Variants in CLEC16A observed in about 807,000 individuals in gnomAD.
CLEC16A encodes protein CLEC16A.
In CLEC16A, 51 loss-of-function variants were observed where a neutral mutation model predicts 109.5. That is an observed-to-expected ratio of 0.47 (90% CI 0.37 to 0.59). The LOEUF is 0.59. Ranked by LOEUF, CLEC16A falls within the 20% of genes least tolerant of loss-of-function variation. The probability of loss-of-function intolerance (pLI) is 0.00; values close to 1 mark genes in which losing one functional copy is unlikely to be tolerated. For synonymous variants in CLEC16A, 673 were observed against 564.2 expected (o/e 1.19, Z -2.73); for missense variants, 1,339 against 1,394.0 (o/e 0.96, Z 0.63).
intron 12 of CLEC16A, 59 bp downstream of exon 12, chr16:11,020,384 G>C: frequency 6.6e-7 from 1 of 1,520,686 alleles, no homozygotes; most frequent in Non-Finnish European, 8.8e-7. Flanking sequence ...AGGGCTCAGT[G>C]GGGAGGTTGA....
At chr16:11,132,711 C>T (rs539770609) in intron 22 of CLEC16A, among the ~76,000 whole-genome samples, 2 of 152,290 alleles carry the variant, frequency 1.3e-5, no homozygotes, top group South Asian at 2.1e-4. Flanking sequence ...CACTATCCTG[C>T]ACTAGAATGG....
At chr16:11,047,230 C>A in intron 16 of CLEC16A, 62 bp from the exon 17 acceptor site, 2 of 1,412,770 alleles carry the variant, frequency 1.4e-6, no homozygotes, top group Non-Finnish European at 9.7e-7. Flanking sequence ...GTTTATAATA[C>A]TCTGTTGTTT....
chr16:11,074,183 C>A (rs530738676), intron 19 of CLEC16A, among the ~76,000 whole-genome samples: 1 of 152,138 alleles, frequency 6.6e-6, no homozygotes, highest in South Asian at 2.1e-4. Flanking sequence ...TTCCTTACCC[C>A]ACTTTGAGGC....
At chr16:10,966,604 C>T (rs2042519907) in intron 3 of CLEC16A, among the ~76,000 whole-genome samples, 1 of 152,102 alleles carries the variant, frequency 6.6e-6, no homozygotes, top group South Asian at 2.1e-4. Context: ...CATTGACTTA[C>T]AGCTCAGCAC....
At chr16:11,006,019 A>T (rs1278185328) in intron 11 of CLEC16A, among the ~76,000 whole-genome samples, 6 of 152,140 alleles carry the variant, frequency 3.9e-5, no homozygotes, top group Non-Finnish European at 7.3e-5. Flanking sequence ...AAGATTTAGA[A>T]ATCCAACTCA....
At chr16:11,110,255 C>T (rs569743359) in intron 19 of CLEC16A, among the ~76,000 whole-genome samples, 1 of 152,332 alleles carries the variant, frequency 6.6e-6, no homozygotes, top group East Asian at 1.9e-4. Flanking sequence ...CCAGAGGGTA[C>T]AGCAGCTAGT....
Position 11,089,859 on chromosome 16 carries a change from C to G in CLEC16A, c.2116+28837C>G, listed in dbSNP as rs2050207707. Among the ~76,000 whole-genome samples the G allele has an allele frequency of 3.3e-5, 5 of 152,222 alleles. No homozygotes were observed. In the South Asian group the frequency reaches 1.0e-3, roughly 31 times the overall value. On this transcript the variant is annotated intron_variant, in intron 19 of 23. Coordinates refer to ENST00000409790, the MANE Select transcript of CLEC16A (RefSeq NM_015226.3). ...CAGGCACCGGTCCAAACCAGTCAAC[C>G]CTGTGCTCTGCTCCGTTTTTTCCAT...
At chr16:10,976,415 T>A (rs2043034293) in intron 7 of CLEC16A, among the ~76,000 whole-genome samples, 1 of 152,108 alleles carries the variant, frequency 6.6e-6, no homozygotes, top group South Asian at 2.1e-4. Context: ...ATGTGACTAC[T>A]ACTAGGAGAG....
At position 11,178,848 on chromosome 16, in the gene CLEC16A, C is replaced by G. The variant is rs551252452; in HGVS notation, c.*158C>G. The stretch of plus-strand genomic sequence containing the variant: ...GCGCTCCCTTGAATGGGAAGAAGCC[C>G]CACGTTGTCCTTGAATTCCTTTTTC... On this transcript the variant is annotated 3_prime_UTR_variant, in exon 24 of 24. Coordinates refer to ENST00000409790, the MANE Select transcript of CLEC16A (RefSeq NM_015226.3). The surrounding 1 kb of genome is among the most constrained non-coding windows in gnomAD (Gnocchi z 6.5). 3.5e-6 allele frequency: 2 copies of G among 573,202 alleles called. No homozygotes were observed. Among genetic ancestry groups the G allele is most frequent in the African/African-American group, 3.8e-5 (2 of 52,978 alleles). 35.5% of individuals were successfully genotyped at this position (573,202 alleles called of 1,614,324 possible).
intron 9 of CLEC16A, among the ~76,000 whole-genome samples, chr16:10,981,296 G>T (rs879891710): frequency 1.3e-5 from 2 of 152,220 alleles, no homozygotes; most frequent in Non-Finnish European, 2.9e-5. Context: ...TTGGTAGAGT[G>T]ATGTGTGGCA....
chr16:11,120,265 C>G (rs2052309404), intron 19 of CLEC16A, among the ~76,000 whole-genome samples: 1 of 152,236 alleles, frequency 6.6e-6, no homozygotes, highest in African/African-American at 2.4e-5. Flanking sequence ...GCCACGGCAC[C>G]CAGCCATGCT....
chr16:11,060,978 C>G lies in CLEC16A; in HGVS notation c.2072C>G (p.Thr691Ser). The G allele has an allele frequency of 1.9e-6, 3 of 1,612,484 alleles. No homozygotes were observed. Among genetic ancestry groups the G allele is most frequent in the Non-Finnish European group, 2.5e-6 (3 of 1,179,572 alleles). The change falls in exon 19 of 24, where the codon ACT becomes AGT. Residue 691 changes from threonine (T) to serine (S), a missense_variant. By Grantham distance (58) the Thr-to-Ser change is moderately conservative. This residue lies in a region of CLEC16A where 1,061 missense variants were observed against 1,006.8 expected (regional missense o/e 1.05). Coordinates refer to ENST00000409790, the MANE Select transcript of CLEC16A (RefSeq NM_015226.3). ...GAGCCTGAGACACAGTTGCCGCTGACTCGGGAGGAGGACCTGATCAAGACT... is the reference window on the plus strand; with the variant it reads ...GAGCCTGAGACACAGTTGCCGCTGAGTCGGGAGGAGGACCTGATCAAGACT... Reference protein sequence around the residue: ...RGEPETQLPLTREEDLIKTDD... With the variant: ...RGEPETQLPLSREEDLIKTDD...
At chr16:11,010,684 C>T (rs1434580471) in intron 11 of CLEC16A, among the ~76,000 whole-genome samples, 2 of 152,162 alleles carry the variant, frequency 1.3e-5, no homozygotes, top group Non-Finnish European at 2.9e-5. Context: ...TAGTATTCTC[C>T]TGCTGTGTTC....
chr16:10,973,813 C>G (rs867359073), intron 7 of CLEC16A, among the ~76,000 whole-genome samples: 4 of 151,064 alleles, frequency 2.6e-5, no homozygotes, highest in Middle Eastern at 6.9e-3. Context: ...TCAAGCAATC[C>G]TCCTGTCTCG....
intron 11 of CLEC16A, among the ~76,000 whole-genome samples, chr16:11,003,916 T>C (rs374740409): frequency 1.3e-5 from 2 of 150,754 alleles, no homozygotes; most frequent in African/African-American, 4.9e-5. Flanking sequence ...GGAGGATCAC[T>C]TGAGCCCAGG....
intron 19 of CLEC16A, among the ~76,000 whole-genome samples, chr16:11,108,626 C>T (rs2051366660): frequency 6.6e-6 from 1 of 152,226 alleles, no homozygotes; most frequent in Admixed American, 6.5e-5. Context: ...GTGAAGTTCA[C>T]ATGGCCATCT....
intron 19 of CLEC16A, among the ~76,000 whole-genome samples, chr16:11,106,306 G>C (rs552747685): frequency 2.6e-5 from 4 of 152,020 alleles, no homozygotes; most frequent in African/African-American, 9.6e-5. Context: ...CTTTTTTGTG[G>C]GGGAGAGTTA....
At chr16:11,001,322 GT>G (rs2044657400) in intron 10 of CLEC16A, among the ~76,000 whole-genome samples, 2 of 152,246 alleles carry the variant, frequency 1.3e-5, no homozygotes, top group African/African-American at 2.4e-5. Context: ...CTTGGCTCAA[GT>G]GATCCTCCCA....
chr16:11,148,459 G>C (rs149824249), intron 22 of CLEC16A, among the ~76,000 whole-genome samples: 1 of 152,294 alleles, frequency 6.6e-6, no homozygotes, highest in African/African-American at 2.4e-5. Flanking sequence ...ATCAGACACT[G>C]TGCCAAGCAA....
Sources: gnomAD v4.1 joint callset for allele counts (sites outside exome capture counted in the v4.1 genomes callset) on GRCh38, gnomAD v4.1.1 for gene constraint, gnomAD v4.1.1 regional missense constraint, Gnocchi (gnomAD v3.1) non-coding constraint, MANE v1.5 for transcripts, NCBI Gene and HGNC (gene_info 2026-07-23, HGNC 2026-07-21) for gene names.